CLIC5: variants seen among roughly 807,000 people sequenced by gnomAD.
CLIC5 encodes CLIC family member 5, also known as chloride intracellular channel protein 5.
A neutral mutation model predicts 24.7 loss-of-function variants in CLIC5; 20 were observed. The observed-to-expected ratio is 0.81, with a 90% CI of 0.57 to 1.18. The LOEUF (loss-of-function observed/expected upper bound fraction) is 1.18, where lower values mean the gene tolerates loss of function less well. CLIC5 is among the 50% of genes most tolerant of loss of function. CLIC5 has a pLI of 0.00. For synonymous variants in CLIC5, 159 were observed against 135.6 expected, an observed-to-expected ratio of 1.17 and a Z score of -1.20; for missense variants, 341 against 326.1, an observed-to-expected ratio of 1.05 and a Z score of -0.35.
At chr6:46,042,139 C>A (rs985470133) in intron 1 of CLIC5, among the ~76,000 whole-genome samples, 5 of 151,970 alleles carry the variant, frequency 3.3e-5, no homozygotes, top group African/African-American at 1.2e-4. Context: ...AATCCAAAAC[C>A]AAACTAAAAT....
At chr6:45,922,823 A>AAAAGAGAG (rs1554145920) in intron 4 of CLIC5, among the ~76,000 whole-genome samples, 115 of 140,716 alleles carry the variant, frequency 8.2e-4, no homozygotes, top group Middle Eastern at 3.6e-3. Context: ...GAGAGAGAGA[A>AAAAGAGAG]AGAGAGAGAG....
chr6:45,952,311 G>T (rs1279024513), intron 2 of CLIC5, among the ~76,000 whole-genome samples: 3 of 152,202 alleles, frequency 2.0e-5, no homozygotes, highest in Non-Finnish European at 4.4e-5. Flanking sequence ...ATGACGTATT[G>T]CCAGGTATGA....
chr6:46,081,603 A>G (rs1244201482), upstream of CLIC5, among the ~76,000 whole-genome samples: 2 of 152,226 alleles, frequency 1.3e-5, no homozygotes, highest in African/African-American at 4.8e-5. Flanking sequence ...CAATGGGTCC[A>G]AATACCTTAC....
intron 2 of CLIC5, among the ~76,000 whole-genome samples, chr6:45,951,063 C>G (rs1199425068): frequency 6.6e-6 from 1 of 152,106 alleles, no homozygotes; most frequent in Non-Finnish European, 1.5e-5. Flanking sequence ...AAAGTTATTT[C>G]TTCTTATAGC....
chr6:46,108,005 G>C, the CLIC5 span, among the ~76,000 whole-genome samples: 3 of 96,112 alleles, frequency 3.1e-5, no homozygotes, highest in Non-Finnish European at 4.2e-5. Context: ...TTGCACTCCA[G>C]CCAGGGCAAC....
intron 2 of CLIC5, among the ~76,000 whole-genome samples, chr6:45,950,152 A>G (rs1471241970): frequency 6.6e-6 from 1 of 152,248 alleles, no homozygotes; most frequent in Non-Finnish European, 1.5e-5. Flanking sequence ...GAGTAAGAAG[A>G]TACCTGAGAG....
intron 1 of CLIC5, among the ~76,000 whole-genome samples, chr6:46,008,211 T>G (rs1766661286): frequency 6.6e-6 from 1 of 152,204 alleles, no homozygotes; most frequent in Admixed American, 6.5e-5. Flanking sequence ...TTGGCTTTTT[T>G]GCTGTCCTAT....
chr6:45,964,627 A>G (rs1373969414), intron 1 of CLIC5, among the ~76,000 whole-genome samples: 1 of 152,232 alleles, frequency 6.6e-6, no homozygotes, highest in African/African-American at 2.4e-5. Context: ...AGTCTCAGCA[A>G]CGTTTTCAGA....
chr6:45,986,619 C>T (rs1173746991), intron 1 of CLIC5, among the ~76,000 whole-genome samples: 2 of 152,126 alleles, frequency 1.3e-5, no homozygotes, highest in African/African-American at 4.8e-5. Context: ...AGTGAGGCTC[C>T]ACACATGATT....
At chr6:45,950,837 T>C (rs892129581) in intron 2 of CLIC5, among the ~76,000 whole-genome samples, 2 of 152,104 alleles carry the variant, frequency 1.3e-5, no homozygotes, top group Non-Finnish European at 1.5e-5. Context: ...TTTGAGAACA[T>C]TTACTAGATT....
the CLIC5 span, among the ~76,000 whole-genome samples, chr6:46,125,077 G>T: frequency 1.8e-3 from 274 of 152,224 alleles, 7 homozygotes; most frequent in Admixed American, 0.015. Flanking sequence ...CCATAACTAG[G>T]TATATACCCA....
At position 45,899,098 on chromosome 6, in the gene CLIC5, GAAGAA is replaced by G. The variant is rs1167639358; in HGVS notation, c.*3985_*3989del. 7 of 152,222 alleles carry G rather than the reference GAAGAA, an allele frequency of 4.6e-5. No homozygotes were observed. The East Asian group carries it at 1.2e-3, about 25-fold the overall frequency. The allele number at this position is 152,222 out of a possible 1,614,324, so 9.4% of individuals were successfully genotyped here. ...CTGGGAGATGCATACTGACAAAGGG[GAAGAA>G]TGTGTGTTGATGAGGAGGGCACATG... On this transcript the variant is annotated 3_prime_UTR_variant, in exon 6 of 6. Coordinates refer to ENST00000339561, the MANE Select transcript of CLIC5 (RefSeq NM_016929.5).
rs1762496452 is a variant in CLIC5 at position 45,900,987 on chromosome 6, G to C, written c.*2101C>G. On this transcript the variant is annotated 3_prime_UTR_variant, in exon 6 of 6. Coordinates refer to ENST00000339561, the MANE Select transcript of CLIC5 (RefSeq NM_016929.5). ...CTGTGGCAATTGGCTATGATTCACA[G>C]ATGTGTTTCCAGAACAGCCCAACTG... 6.6e-6 allele frequency: 1 copy of C among 152,200 alleles called. No individual in the cohort carries two copies. The highest frequency in any genetic ancestry group is 2.4e-5 in the African/African-American group (1 of 41,436). 9.4% of individuals were successfully genotyped at this position (152,200 alleles called of 1,614,324 possible).
At chr6:45,928,976 C>T (rs1364932622) in intron 4 of CLIC5, among the ~76,000 whole-genome samples, 1 of 152,156 alleles carries the variant, frequency 6.6e-6, no homozygotes, top group Non-Finnish European at 1.5e-5. Context: ...CCAGGCCAGG[C>T]CAGGAGAACT....
intron 4 of CLIC5, chr6:45,920,447 T>A: frequency 2.4e-6 from 1 of 416,284 alleles, no homozygotes; most frequent in Non-Finnish European, 3.2e-6. Flanking sequence ...TCATTTGAGA[T>A]CATGTTGATA....
At chr6:45,883,419 C>T (rs1158873025) in intron 6 of CLIC5, among the ~76,000 whole-genome samples, 4 of 152,116 alleles carry the variant, frequency 2.6e-5, no homozygotes, top group East Asian at 3.9e-4. Context: ...TCTAGGAATT[C>T]GTTAGACAAG....
chr6:45,882,097 G>A (rs998376969), intron 6 of CLIC5, among the ~76,000 whole-genome samples: 2 of 152,210 alleles, frequency 1.3e-5, no homozygotes, highest in Non-Finnish European at 2.9e-5. Context: ...TAGCCTCACA[G>A]GATCAAAATG....
At chr6:45,963,375 G>T (rs1764913424) in intron 1 of CLIC5, among the ~76,000 whole-genome samples, 1 of 152,142 alleles carries the variant, frequency 6.6e-6, no homozygotes, top group South Asian at 2.1e-4. Context: ...TTAATGCTCT[G>T]CTGTTGCTAT....
the CLIC5 span, among the ~76,000 whole-genome samples, chr6:46,119,813 C>T: frequency 5.1e-4 from 77 of 152,320 alleles, no homozygotes; most frequent in South Asian, 9.3e-3. Flanking sequence ...GAGGGTCCCA[C>T]GCCCACAGAG....
Sources: allele counts gnomAD v4.1 joint callset (sites outside exome capture counted in the v4.1 genomes callset), GRCh38; gene constraint gnomAD v4.1.1; transcripts MANE v1.5; gene names NCBI Gene and HGNC (gene_info 2026-07-23, HGNC 2026-07-21).